The following PYROXD1 variants were observed in gnomAD, a reference collection of about 807,000 sequenced individuals.
PYROXD1 encodes tRNA ligase complex-associated NAD(P)H dehydrogenase PYROXD1.
A neutral mutation model predicts 62.0 loss-of-function variants in PYROXD1; 42 were observed. The ratio of observed to expected loss-of-function variants is 0.68; its 90% CI spans 0.53 to 0.88. The LOEUF (loss-of-function observed/expected upper bound fraction) is 0.88. Among genes scored for constraint, PYROXD1 ranks in the 40% least tolerant of loss-of-function variants. PYROXD1 has a pLI of 0.00. For synonymous variants in PYROXD1, 170 were observed against 206.4 expected, an observed-to-expected ratio of 0.82 and a Z score of 1.51; for missense variants, 493 against 604.8, an observed-to-expected ratio of 0.82 and a Z score of 1.94.
intron 9 of PYROXD1, 146 bp downstream of exon 9, chr12:21,462,266 GATTTACAGT>G: frequency 1.7e-6 from 1 of 590,702 alleles, no homozygotes; most frequent in Non-Finnish European, 3.0e-6. Context: ...ACATTGTCTT[GATTTACAGT>G]ATTTTTTACT....
intron 7 of PYROXD1, 142 bp downstream of exon 7, chr12:21,456,237 C>G (rs893850336): frequency 1.9e-5 from 11 of 584,980 alleles, no homozygotes; most frequent in Non-Finnish European, 3.3e-5. Context: ...AAAAGACCTC[C>G]AATGCAGTTG....
At chr12:21,467,768 G>A (rs2137293259) in intron 11 of PYROXD1, 150 bp downstream of exon 11, 2 of 595,494 alleles carry the variant, frequency 3.4e-6, no homozygotes, top group East Asian at 3.0e-5. Flanking sequence ...ACCAATACCT[G>A]GTATTATTGC....
intron 5 of PYROXD1, among the ~76,000 whole-genome samples, chr12:21,453,962 T>G (rs1028082787): frequency 6.6e-6 from 1 of 152,004 alleles, no homozygotes; most frequent in Non-Finnish European, 1.5e-5. Context: ...TTTCCGCTGG[T>G]CAGTAATGCT....
chr12:21,462,698 C>G, intron 9 of PYROXD1, 42 bp from the exon 10 acceptor site: 4 of 1,599,732 alleles, frequency 2.5e-6, no homozygotes. Flanking sequence ...AAAGTCGTTT[C>G]ATTTTTCTTA....
intron 6 of PYROXD1, 39 bp from the exon 7 acceptor site, chr12:21,455,956 A>G (rs560028342): frequency 1.1e-5 from 14 of 1,313,390 alleles, no homozygotes; most frequent in African/African-American, 4.5e-5. Context: ...ATATTTCTCT[A>G]TCTGGTAATT....
At chr12:21,457,433 C>T (rs1020157794) in intron 7 of PYROXD1, among the ~76,000 whole-genome samples, 2 of 136,170 alleles carry the variant, frequency 1.5e-5, no homozygotes, top group African/African-American at 2.6e-5. Flanking sequence ...TGAAATGAAT[C>T]TTTTTTTTTT....
chr12:21,444,992 C>T (rs1276782348), intron 2 of PYROXD1, among the ~76,000 whole-genome samples: 1 of 152,158 alleles, frequency 6.6e-6, no homozygotes, highest in Non-Finnish European at 1.5e-5. Flanking sequence ...GACTAGATGA[C>T]CATAAGGTCT....
Position 21,440,461 on chromosome 12 carries a change from G to T in PYROXD1, c.165+13G>T. ...AAATTTCAAGCAGGTAAGAACCTTT[G>T]TATAACTTGTTAATATTAATTTGAA... On this transcript the variant is annotated intron_variant, in intron 2 of 11. Coordinates refer to ENST00000240651, the MANE Select transcript of PYROXD1 (RefSeq NM_024854.5). 6.9e-7 allele frequency: 1 copy of T among 1,451,328 alleles called. No individual in the cohort carries two copies. The highest frequency in any genetic ancestry group is 2.3e-5 in the East Asian group (1 of 43,640). 89.9% of individuals were successfully genotyped at this position (1,451,328 alleles called of 1,614,324 possible). A position where few individuals can be genotyped will look rare whatever the true frequency, so the allele number is the denominator to read the frequency against.
At chr12:21,442,291 T>C (rs1387216165) in intron 2 of PYROXD1, among the ~76,000 whole-genome samples, 1 of 152,162 alleles carries the variant, frequency 6.6e-6, no homozygotes, top group Admixed American at 6.5e-5. Context: ...TATTGGTGCC[T>C]AGGGTGCAGG....
At chr12:21,464,743 A>ATTG (rs796611197) in intron 10 of PYROXD1, among the ~76,000 whole-genome samples, 13 of 148,570 alleles carry the variant, frequency 8.8e-5, no homozygotes, top group South Asian at 2.1e-4. Context: ...TTTTATTATT[A>ATTG]TATTTAAGTT....
rs779480555 is a variant in PYROXD1, at chr12:21,440,410, G to C, written c.127G>C (p.Ala43Pro). 2 of 1,600,248 alleles carry C rather than the reference G, an allele frequency of 1.2e-6. No individual in the cohort carries two copies. Among genetic ancestry groups the C allele is most frequent in the Non-Finnish European group, 1.7e-6 (2 of 1,173,354 alleles). The stretch of plus-strand genomic sequence containing the variant: ...ATCGGAAGATATTCTCTTGGTAACA[G>C]CTTCTCCTGTTATTAAAGCAGTTAC... The part of the protein sequence containing the change: ...FPSEDILLVT[A>P]SPVIKAVTNF... The change falls in exon 2 of 12, where the codon GCT (alanine) becomes CCT (proline). Residue 43 changes from alanine (A) to proline (P), a missense_variant. Ala to Pro is a conservative substitution (Grantham distance 27, BLOSUM62 -1). This residue lies in a region of PYROXD1 where 164 missense variants were observed against 158.2 expected (regional missense o/e 1.04). Coordinates refer to ENST00000240651, the MANE Select transcript of PYROXD1 (RefSeq NM_024854.5).
chr12:21,463,512 G>T (rs1942735527), intron 10 of PYROXD1, among the ~76,000 whole-genome samples: 1 of 151,980 alleles, frequency 6.6e-6, no homozygotes, highest in Admixed American at 6.6e-5. Context: ...ACAACATGAT[G>T]AAACCCCGTC....
chr12:21,465,125 A>C (rs2137287856), intron 10 of PYROXD1, among the ~76,000 whole-genome samples: 1 of 152,288 alleles, frequency 6.6e-6, no homozygotes, highest in East Asian at 1.9e-4. Context: ...TGCCGCTATA[A>C]ACATACGTGT....
chr12:21,453,044 C>G (rs1218730168), intron 5 of PYROXD1, among the ~76,000 whole-genome samples: 1 of 151,978 alleles, frequency 6.6e-6, no homozygotes, highest in Non-Finnish European at 1.5e-5. Flanking sequence ...TGGAGAAATA[C>G]AGAGAAAGGG....
At chr12:21,456,799 A>G (rs7964140) in intron 7 of PYROXD1, 206,788 of 424,308 alleles carry the variant, frequency 0.49, 50,850 homozygotes, top group Middle Eastern at 0.57. Flanking sequence ...TCAAAAGTCA[A>G]TTCTCTCAAA....
chr12:21,460,580 G>A (rs749378792), intron 7 of PYROXD1, among the ~76,000 whole-genome samples: 1 of 151,550 alleles, frequency 6.6e-6, no homozygotes, highest in South Asian at 2.1e-4. Flanking sequence ...CACACCACCA[G>A]GCCTGGCTAA....
intron 10 of PYROXD1, among the ~76,000 whole-genome samples, chr12:21,464,210 A>G (rs7974260): frequency 0.45 from 57,724 of 129,494 alleles, 11,283 homozygotes; most frequent in Middle Eastern, 0.54. Flanking sequence ...GAAAGAGGGG[A>G]AAAAATCCGA....
At chr12:21,442,501 G>A (rs1233841518) in intron 2 of PYROXD1, among the ~76,000 whole-genome samples, 3 of 152,190 alleles carry the variant, frequency 2.0e-5, no homozygotes, top group East Asian at 1.9e-4. Context: ...GCCCCAAAGT[G>A]CAAACTAGCT....
intron 3 of PYROXD1, among the ~76,000 whole-genome samples, chr12:21,446,199 G>A (rs531731353): frequency 4.6e-5 from 7 of 152,228 alleles, no homozygotes; most frequent in East Asian, 3.9e-4. Flanking sequence ...TGAGGCAGGC[G>A]GATCATGAGG....
Sources: allele counts gnomAD v4.1 joint callset (sites outside exome capture counted in the v4.1 genomes callset), GRCh38; gene constraint gnomAD v4.1.1; regional missense constraint gnomAD v4.1.1; transcripts MANE v1.5; gene names NCBI Gene and HGNC (gene_info 2026-07-23, HGNC 2026-07-21).